Variants in ASTN2 observed in about 807,000 individuals in gnomAD.
The protein encoded by ASTN2 is astrotactin 2.
Under a neutral mutation model 139.8 loss-of-function variants are expected in ASTN2, and 54 were observed. The ratio of observed to expected loss-of-function variants is 0.39; its 90% CI spans 0.31 to 0.48. The LOEUF (loss-of-function observed/expected upper bound fraction) is 0.48, where lower values mean the gene tolerates loss of function less well. ASTN2 is among the 20% of genes least tolerant of loss of function. The pLI is 0.95. For synonymous variants in ASTN2, 756 were observed against 719.5 expected, an observed-to-expected ratio of 1.05 and a Z score of -0.81; for missense variants, 1,565 against 1,725.1, an observed-to-expected ratio of 0.91 and a Z score of 1.64.
intron 2 of ASTN2, among the ~76,000 whole-genome samples, chr9:117,272,648 A>G (rs564112505): frequency 6.6e-5 from 10 of 152,248 alleles, no homozygotes; most frequent in Admixed American, 2.0e-4. Context: ...AATTTCTTCT[A>G]CCAGATACCC....
intron 5 of ASTN2, among the ~76,000 whole-genome samples, chr9:117,060,071 G>A (rs951073944): frequency 6.6e-5 from 10 of 152,024 alleles, no homozygotes; most frequent in African/African-American, 2.2e-4. Context: ...AGCACTTTGC[G>A]AGGCCAAGGC....
chr9:116,486,708 C>T (rs1849349919), intron 20 of ASTN2, among the ~76,000 whole-genome samples: 1 of 152,100 alleles, frequency 6.6e-6, no homozygotes, highest in Non-Finnish European at 1.5e-5. Flanking sequence ...CTAAAAACAA[C>T]ACTCATTGAG....
chr9:116,799,867 A>G (rs1830798476), intron 13 of ASTN2, among the ~76,000 whole-genome samples: 1 of 152,218 alleles, frequency 6.6e-6, no homozygotes, highest in South Asian at 2.1e-4. Flanking sequence ...ACCAACACTT[A>G]GCACCGGAAG....
At chr9:117,298,670 G>GTATATATATATGTGTA (rs1554717043) in intron 1 of ASTN2, among the ~76,000 whole-genome samples, 1 of 136,466 alleles carries the variant, frequency 7.3e-6, no homozygotes, top group East Asian at 2.1e-4. Flanking sequence ...ATATATATGT[G>GTATATATATATGTGTA]TATATATATA....
intron 4 of ASTN2, among the ~76,000 whole-genome samples, chr9:117,120,151 G>T (rs1263418791): frequency 2.0e-5 from 3 of 150,658 alleles, no homozygotes; most frequent in African/African-American, 7.3e-5. Flanking sequence ...TAAAACACTG[G>T]ACTGGAAGAA....
chr9:116,807,653 T>C (rs985191729), intron 12 of ASTN2, among the ~76,000 whole-genome samples: 6 of 152,216 alleles, frequency 3.9e-5, no homozygotes, highest in African/African-American at 2.4e-5. Context: ...GGTGAGTGTT[T>C]CATAAAGTCT....
chr9:116,863,646 A>G lies in ASTN2; in HGVS notation c.1977T>C (p.Asn659=), dbSNP rs769700086. The G allele has an allele frequency of 1.3e-5, 21 of 1,614,002 alleles. No individual in the cohort carries two copies. In the South Asian group the frequency reaches 2.2e-4, roughly 17 times the overall value. The change falls in exon 11 of 23, where the codon AAT becomes AAC. Residue 659 remains asparagine, a synonymous_variant. Coordinates refer to ENST00000313400, the MANE Select transcript of ASTN2 (RefSeq NM_001365068.1). ...ACTTGAAGTTGCGAGTGCAGCCCCCATTGTTCCGAGAGCAGTCACGAACTG... is the reference window on the plus strand; with the variant it reads ...ACTTGAAGTTGCGAGTGCAGCCCCCGTTGTTCCGAGAGCAGTCACGAACTG... ...FGPVRDCSRN[N]GGCTRNFKCV...
At chr9:117,054,460 A>G (rs1283987958) in intron 5 of ASTN2, among the ~76,000 whole-genome samples, 1 of 152,226 alleles carries the variant, frequency 6.6e-6, no homozygotes, top group East Asian at 1.9e-4. Flanking sequence ...CAGAGCTCAG[A>G]GCCATTAAAT....
intron 19 of ASTN2, among the ~76,000 whole-genome samples, chr9:116,536,652 C>T (rs927312756): frequency 6.6e-5 from 10 of 152,252 alleles, no homozygotes; most frequent in East Asian, 1.9e-4. Flanking sequence ...GTATCAGCAG[C>T]GGAGGCTGCA....
chr9:116,968,727 C>T (rs1028885935), intron 10 of ASTN2, among the ~76,000 whole-genome samples: 3 of 150,556 alleles, frequency 2.0e-5, no homozygotes, highest in Non-Finnish European at 4.5e-5. Flanking sequence ...GGTGAAACCC[C>T]GTCTCTACTA....
chr9:116,931,864 T>C (rs1834907091), intron 10 of ASTN2, among the ~76,000 whole-genome samples: 1 of 152,122 alleles, frequency 6.6e-6, no homozygotes, highest in South Asian at 2.1e-4. Context: ...GCTGAGATCT[T>C]AATGAAGAGA....
chr9:117,390,618 T>C (rs1320223089), intron 1 of ASTN2, among the ~76,000 whole-genome samples: 1 of 152,184 alleles, frequency 6.6e-6, no homozygotes, highest in African/African-American at 2.4e-5. Context: ...CAGATTGGTG[T>C]CTTTCACTTA....
rs544643474 is a variant in ASTN2 at position 117,397,821 on chromosome 9, T to C, written c.442+16676A>G. Among the ~76,000 whole-genome samples, 5 of 152,280 alleles carry C rather than the reference T, an allele frequency of 3.3e-5. No individual in the cohort carries two copies. In the South Asian group the frequency reaches 1.0e-3, roughly 32 times the overall value. On this transcript the variant is annotated intron_variant, in intron 1 of 22. Coordinates refer to ENST00000313400, the MANE Select transcript of ASTN2 (RefSeq NM_001365068.1). ...AGTTAGCCCTCCCCTGAATAGTTTG[T>C]CTCCCCACACAAATGAGAAGTTTAA... is the stretch of plus-strand genomic sequence containing the variant.
At chr9:116,894,311 C>A (rs762457776) in intron 10 of ASTN2, among the ~76,000 whole-genome samples, 1 of 151,654 alleles carries the variant, frequency 6.6e-6, no homozygotes, top group African/African-American at 2.4e-5. Context: ...CTTGTAAGTA[C>A]CTATTTAAAA....
intron 19 of ASTN2, among the ~76,000 whole-genome samples, chr9:116,534,126 T>C (rs4837594): frequency 0.33 from 50,602 of 152,102 alleles, 9,707 homozygotes; most frequent in Admixed American, 0.45. Flanking sequence ...CCATTTTTTC[T>C]AGATTTTCTA....
chr9:117,019,283 G>C (rs1358602950), intron 6 of ASTN2, among the ~76,000 whole-genome samples: 1 of 151,996 alleles, frequency 6.6e-6, no homozygotes, highest in East Asian at 1.9e-4. Flanking sequence ...ATTTTCAGGA[G>C]ATATTTTCTG....
intron 19 of ASTN2, among the ~76,000 whole-genome samples, chr9:116,543,071 G>C (rs548380695): frequency 1.3e-5 from 2 of 151,962 alleles, no homozygotes; most frequent in East Asian, 1.9e-4. Context: ...ACCTCTACTA[G>C]ATAAGCACCC....
At chr9:117,345,543 T>G (rs1358768736) in intron 1 of ASTN2, among the ~76,000 whole-genome samples, 1 of 152,162 alleles carries the variant, frequency 6.6e-6, no homozygotes, top group Non-Finnish European at 1.5e-5. Flanking sequence ...GTCACACAGC[T>G]GATAGGTGGC....
intron 3 of ASTN2, among the ~76,000 whole-genome samples, chr9:117,154,815 T>C (rs1830397817): frequency 6.6e-6 from 1 of 152,094 alleles, no homozygotes; most frequent in African/African-American, 2.4e-5. Flanking sequence ...AGTTGTCCTT[T>C]GTTTACTTAA....
Sources: allele counts gnomAD v4.1 joint callset (sites outside exome capture counted in the v4.1 genomes callset), GRCh38; gene constraint gnomAD v4.1.1; transcripts MANE v1.5; gene names NCBI Gene and HGNC (gene_info 2026-07-23, HGNC 2026-07-21).